TUSC3: variants seen among roughly 807,000 people sequenced by gnomAD.
TUSC3 encodes the protein dolichyl-diphosphooligosaccharide--protein glycosyltransferase subunit TUSC3.
A neutral mutation model predicts 44.8 loss-of-function variants in TUSC3; 45 were observed. The ratio of observed to expected loss-of-function variants is 1.00; its 90% CI spans 0.79 to 1.29. The LOEUF is 1.29. TUSC3 is among the 50% of genes most tolerant of loss of function. TUSC3 has a pLI of 0.00. For missense variants in TUSC3, 519 were observed against 437.9 expected (o/e 1.19, Z -1.65); for synonymous variants, 212 against 152.9 (o/e 1.39, Z -2.85).
At chr8:15,832,435 C>G in the TUSC3 span, among the ~76,000 whole-genome samples, 1 of 152,068 alleles carries the variant, frequency 6.6e-6, no homozygotes, top group African/African-American at 2.4e-5. Flanking sequence ...ATATAACAAT[C>G]CTAACCTTGA....
At chr8:15,462,484 G>T (rs968451373) in intron 1 of TUSC3, among the ~76,000 whole-genome samples, 3 of 152,018 alleles carry the variant, frequency 2.0e-5, no homozygotes, top group African/African-American at 4.8e-5. Flanking sequence ...AAACTATGCA[G>T]ACTAGATCAT....
At chr8:15,525,789 C>T (rs759544952) in intron 2 of TUSC3, among the ~76,000 whole-genome samples, 3 of 152,064 alleles carry the variant, frequency 2.0e-5, no homozygotes, top group Admixed American at 6.5e-5. Context: ...AGTCAGGAAG[C>T]CAGCAACAGC....
chr8:15,446,159 A>T (rs1800094723), intron 1 of TUSC3, among the ~76,000 whole-genome samples: 3 of 141,476 alleles, frequency 2.1e-5, no homozygotes, highest in Admixed American at 7.0e-5. Flanking sequence ...CGCTCCTCAC[A>T]TCCCAGACGG....
At chr8:15,814,749 A>G in the TUSC3 span, among the ~76,000 whole-genome samples, 2 of 152,172 alleles carry the variant, frequency 1.3e-5, no homozygotes, top group Non-Finnish European at 2.9e-5. Flanking sequence ...AGATTTACCA[A>G]TATTAAATAT....
intron 2 of TUSC3, among the ~76,000 whole-genome samples, chr8:15,638,771 C>T (rs778705042): frequency 6.6e-6 from 1 of 152,190 alleles, no homozygotes; most frequent in Non-Finnish European, 1.5e-5. Flanking sequence ...AGTGATCCAC[C>T]TGCCTTGGCC....
intron 1 of TUSC3, among the ~76,000 whole-genome samples, chr8:15,564,341 A>C (rs1373136387): frequency 6.6e-6 from 1 of 152,158 alleles, no homozygotes; most frequent in African/African-American, 2.4e-5. Flanking sequence ...GTCTCATTTG[A>C]AATATTCATA....
intron 2 of TUSC3, among the ~76,000 whole-genome samples, chr8:15,517,175 A>C (rs965781821): frequency 4.6e-5 from 7 of 152,180 alleles, no homozygotes; most frequent in Admixed American, 1.3e-4. Context: ...TTGAGATTAC[A>C]CCAATTTGCC....
At chr8:15,459,794 A>G (rs949083794) in intron 1 of TUSC3, among the ~76,000 whole-genome samples, 15 of 152,038 alleles carry the variant, frequency 9.9e-5, no homozygotes, top group African/African-American at 3.4e-4. Flanking sequence ...TGCGAGTGCC[A>G]TTAATTCATT....
chr8:15,620,332 C>G (rs983074967), intron 1 of TUSC3, among the ~76,000 whole-genome samples: 9 of 152,124 alleles, frequency 5.9e-5, no homozygotes, highest in Admixed American at 5.9e-4. Context: ...ATGGGACTAA[C>G]AGGCATTTTG....
At chr8:15,749,310 C>G (rs1474275412) in intron 9 of TUSC3, among the ~76,000 whole-genome samples, 1 of 152,076 alleles carries the variant, frequency 6.6e-6, no homozygotes, top group African/African-American at 2.4e-5. Flanking sequence ...GAGCAGTGGA[C>G]ATTTTTAGAA....
intron 1 of TUSC3, among the ~76,000 whole-genome samples, chr8:15,423,969 G>GGTTTTTT (rs1799770896): frequency 1.4e-5 from 1 of 70,362 alleles, no homozygotes; most frequent in Non-Finnish European, 3.1e-5. Context: ...GTTTTGCTTT[G>GGTTTTTT]TTTTTTTTTT....
Position 15,626,687 on chromosome 8 carries a change from G to C in TUSC3, c.308+3438G>C, listed in dbSNP as rs535325665. 2.0e-5 allele frequency among the ~76,000 whole-genome samples: 3 copies of C among 152,338 alleles called. No homozygotes were observed. The South Asian group carries it at 6.2e-4, about 32-fold the overall frequency. On this transcript the variant is annotated intron_variant, in intron 2 of 10. Transcript: ENST00000503731. The stretch of plus-strand genomic sequence containing the variant: ...TGGTCTCTCCCTGCTCTTGGTGGCT[G>C]CTCCAGTCTTGGAGCAAGGATTGGG...
At chr8:15,613,188 G>A (rs1048761950) in intron 1 of TUSC3, among the ~76,000 whole-genome samples, 1 of 150,470 alleles carries the variant, frequency 6.6e-6, no homozygotes, top group Non-Finnish European at 1.5e-5. Flanking sequence ...TCTTATTTGT[G>A]CCAAATTTGG....
the TUSC3 span, among the ~76,000 whole-genome samples, chr8:15,807,952 A>G: frequency 6.6e-6 from 1 of 151,994 alleles, no homozygotes; most frequent in Non-Finnish European, 1.5e-5. Context: ...TTGCATCCCC[A>G]ACCTTAGCAT....
chr8:15,478,387 A>T (rs1800611082), intron 1 of TUSC3, among the ~76,000 whole-genome samples: 1 of 152,094 alleles, frequency 6.6e-6, no homozygotes, highest in African/African-American at 2.4e-5. Flanking sequence ...CTAGCTACTA[A>T]GGCTCACATG....
chr8:15,637,125 A>T (rs373734062), intron 2 of TUSC3, among the ~76,000 whole-genome samples: 128 of 152,264 alleles, frequency 8.4e-4, no homozygotes, highest in African/African-American at 3.0e-3. Context: ...TAGAAATGTT[A>T]TTATATCGTA....
At chr8:15,707,882 G>A (rs182165727) in intron 6 of TUSC3, among the ~76,000 whole-genome samples, 1 of 151,858 alleles carries the variant, frequency 6.6e-6, no homozygotes, top group Non-Finnish European at 1.5e-5. Context: ...TCTAAGGAAA[G>A]AACCATCCCA....
intron 6 of TUSC3, among the ~76,000 whole-genome samples, chr8:15,725,643 A>T (rs1810469387): frequency 6.6e-6 from 1 of 152,104 alleles, no homozygotes; most frequent in African/African-American, 2.4e-5. Context: ...GATTACATTT[A>T]TTGGCTTCCT....
At chr8:15,428,896 A>G (rs1799837520) in intron 1 of TUSC3, among the ~76,000 whole-genome samples, 2 of 152,162 alleles carry the variant, frequency 1.3e-5, no homozygotes, top group African/African-American at 4.8e-5. Flanking sequence ...GTAGGTTGCA[A>G]AAAATTTCTC....
Sources: gnomAD v4.1 joint callset for allele counts (sites outside exome capture counted in the v4.1 genomes callset) on GRCh38, gnomAD v4.1.1 for gene constraint, MANE v1.5 for transcripts, NCBI Gene and HGNC (gene_info 2026-07-23, HGNC 2026-07-21) for gene names.